The following ATXN7 variants were observed in gnomAD, a reference collection of about 807,000 sequenced individuals.
ATXN7 encodes ataxin-7.
Under a neutral mutation model 70.5 loss-of-function variants are expected in ATXN7, and 12 were observed. The observed-to-expected ratio is 0.17, with a 90% CI of 0.11 to 0.28. The LOEUF (loss-of-function observed/expected upper bound fraction) is 0.28. Among genes scored for constraint, ATXN7 ranks in the 10% least tolerant of loss-of-function variants. ATXN7 has a pLI of 1.00. For synonymous variants in ATXN7, 498 were observed against 448.7 expected, an observed-to-expected ratio of 1.11 and a Z score of -1.39; for missense variants, 1,256 against 1,131.7, an observed-to-expected ratio of 1.11 and a Z score of -1.58.
chr3:63,998,358 G>A (rs2075793403), intron 12 of ATXN7: 3 of 983,992 alleles, frequency 3.0e-6, no homozygotes, highest in Non-Finnish European at 3.6e-6. Context: ...ATGTGTGTGT[G>A]TATATATATA....
intron 11 of ATXN7, among the ~76,000 whole-genome samples, chr3:63,992,214 C>G (rs1210306302): frequency 2.0e-5 from 3 of 152,202 alleles, no homozygotes; most frequent in Non-Finnish European, 4.4e-5. Context: ...TCTCCATGAT[C>G]ATTAGCAGGA....
chr3:63,870,996 C>G (rs963654648), intron 1 of ATXN7, among the ~76,000 whole-genome samples: 12 of 152,116 alleles, frequency 7.9e-5, no homozygotes, highest in African/African-American at 2.7e-4. Flanking sequence ...CTTTTCACTC[C>G]CTCTACCTTT....
chr3:63,914,141 C>T (rs903686606), intron 4 of ATXN7, among the ~76,000 whole-genome samples: 2 of 152,152 alleles, frequency 1.3e-5, no homozygotes, highest in Non-Finnish European at 1.5e-5. Flanking sequence ...ATTTCTCACT[C>T]GTAGCCATTT....
chr3:63,977,073 C>T (rs148322295), intron 5 of ATXN7, among the ~76,000 whole-genome samples: 1 of 152,188 alleles, frequency 6.6e-6, no homozygotes, highest in African/African-American at 2.4e-5. Flanking sequence ...GTTAATAACA[C>T]CCATGGTGGT....
intron 3 of ATXN7, 48 bp from the exon 4 acceptor site, chr3:63,913,109 G>A: frequency 6.3e-7 from 1 of 1,587,286 alleles, no homozygotes; most frequent in Non-Finnish European, 8.6e-7. Context: ...TCACACTCCT[G>A]GCCACTGACC....
intron 4 of ATXN7, among the ~76,000 whole-genome samples, chr3:63,937,885 A>G (rs995884107): frequency 2.0e-5 from 3 of 152,192 alleles, no homozygotes; most frequent in Non-Finnish European, 4.4e-5. Context: ...AATGGTACCT[A>G]TACTACAGGG....
rs1297878292 is a variant in ATXN7 at position 63,982,970 on chromosome 3, G to A, written c.1044G>A (p.Gly348=). The A allele has an allele frequency of 6.2e-7, 1 of 1,613,852 alleles. No individual in the cohort carries two copies. The highest frequency in any genetic ancestry group is 1.3e-5 in the African/African-American group (1 of 74,848). The change falls in exon 8 of 13, where the codon GGG becomes GGA. Residue 348 remains glycine (G), a synonymous_variant. Coordinates refer to ENST00000674280, the MANE Select transcript of ATXN7 (RefSeq NM_001377405.1). Reference sequence around the variant, plus strand: ...AGTTTGATCCTGACATCCACTGTGGGGTTATTGATCTCGACACCAAGAAGC... The same window carrying A: ...AGTTTGATCCTGACATCCACTGTGGAGTTATTGATCTCGACACCAAGAAGC... The part of the protein sequence containing the change: ...EREFDPDIHC[G]VIDLDTKKPC...
chr3:63,888,505 G>A (rs1254003498), intron 1 of ATXN7, among the ~76,000 whole-genome samples: 3 of 152,098 alleles, frequency 2.0e-5, no homozygotes, highest in Admixed American at 2.0e-4. Context: ...TTGGTCGGGC[G>A]CAGTGGCTCA....
chr3:63,914,739 T>A (rs1412440075), intron 4 of ATXN7, among the ~76,000 whole-genome samples: 3 of 152,226 alleles, frequency 2.0e-5, no homozygotes, highest in Non-Finnish European at 4.4e-5. Context: ...TTAAGTGTAT[T>A]AATGTTTCAG....
intron 1 of ATXN7, among the ~76,000 whole-genome samples, chr3:63,871,070 T>G (rs981906283): frequency 2.6e-5 from 4 of 152,210 alleles, no homozygotes; most frequent in African/African-American, 9.7e-5. Flanking sequence ...ACTGATTGGT[T>G]TATTTTTTGC....
chr3:63,891,072 C>A (rs1284680303), intron 1 of ATXN7, among the ~76,000 whole-genome samples: 1 of 152,038 alleles, frequency 6.6e-6, no homozygotes, highest in Non-Finnish European at 1.5e-5. Context: ...TGCAGTGGCA[C>A]CATCTCGGCT....
chr3:63,929,835 C>T (rs942895811), intron 4 of ATXN7, among the ~76,000 whole-genome samples: 20 of 152,150 alleles, frequency 1.3e-4, no homozygotes, highest in Non-Finnish European at 2.6e-4. Context: ...GGGCACAAGG[C>T]CGATGGGAGT....
intron 12 of ATXN7, chr3:63,999,091 A>G (rs2075804453): frequency 4.4e-6 from 1 of 229,574 alleles, no homozygotes; most frequent in South Asian, 6.1e-5. Context: ...CTTCTCAGTT[A>G]ACAACCTGGA....
intron 5 of ATXN7, among the ~76,000 whole-genome samples, chr3:63,958,173 T>C (rs1052652935): frequency 6.6e-5 from 10 of 152,216 alleles, no homozygotes; most frequent in African/African-American, 1.9e-4. Flanking sequence ...CTTGCACATA[T>C]TACAAATCCT....
chr3:63,913,266 G>T (rs1222427598), intron 4 of ATXN7, 41 bp downstream of exon 4: 1 of 1,584,156 alleles, frequency 6.3e-7, no homozygotes, highest in South Asian at 1.1e-5. Context: ...CAAACCCCTG[G>T]GAAGTTTCAT....
chr3:63,910,581 G>A (rs1193109161), intron 2 of ATXN7, among the ~76,000 whole-genome samples: 1 of 152,122 alleles, frequency 6.6e-6, no homozygotes, highest in African/African-American at 2.4e-5. Flanking sequence ...AAAGTTAGAA[G>A]GGAACTCTAT....
intron 5 of ATXN7, among the ~76,000 whole-genome samples, chr3:63,966,885 G>A (rs1239300749): frequency 2.6e-5 from 4 of 152,132 alleles, no homozygotes; most frequent in Non-Finnish European, 4.4e-5. Flanking sequence ...GAACTATCAG[G>A]TATCTAAGTC....
At chr3:63,987,816 TTTC>T (rs1159186682) in intron 8 of ATXN7, among the ~76,000 whole-genome samples, 2 of 152,126 alleles carry the variant, frequency 1.3e-5, no homozygotes, top group Non-Finnish European at 2.9e-5. Context: ...ACATATCTTT[TTTC>T]TTCTGATGGA....
At chr3:63,872,327 C>G (rs1365287804) in intron 1 of ATXN7, among the ~76,000 whole-genome samples, 1 of 152,188 alleles carries the variant, frequency 6.6e-6, no homozygotes, top group Non-Finnish European at 1.5e-5. Flanking sequence ...ATTTTATTTG[C>G]TCATAATTAG....
Sources: allele counts gnomAD v4.1 joint callset (sites outside exome capture counted in the v4.1 genomes callset), GRCh38; gene constraint gnomAD v4.1.1; transcripts MANE v1.5; gene names NCBI Gene and HGNC (gene_info 2026-07-23, HGNC 2026-07-21).